The following CD163 variants were observed in gnomAD, a reference collection of about 807,000 sequenced individuals.
CD163 encodes the protein scavenger receptor cysteine-rich type 1 protein M130.
A neutral mutation model predicts 129.2 loss-of-function variants in CD163; 64 were observed. The ratio of observed to expected loss-of-function variants is 0.50; its 90% CI spans 0.41 to 0.61. The LOEUF (loss-of-function observed/expected upper bound fraction) is 0.61. CD163 is among the 20% of genes least tolerant of loss of function. The pLI is 0.00. For missense variants in CD163, 1,061 were observed against 1,377.9 expected, an observed-to-expected ratio of 0.77 and a Z score of 3.64; for synonymous variants, 446 against 478.5, an observed-to-expected ratio of 0.93 and a Z score of 0.89.
At chr12:7,483,102 A>C in intron 12 of CD163, 98 bp from the exon 13 acceptor site, 3 of 1,181,440 alleles carry the variant, frequency 2.5e-6, no homozygotes, top group Non-Finnish European at 3.7e-6. Flanking sequence ...CTCTCAACCA[A>C]GTATATGACT....
At chr12:7,475,718 A>C (rs917132587) in intron 16 of CD163, among the ~76,000 whole-genome samples, 1 of 152,192 alleles carries the variant, frequency 6.6e-6, no homozygotes, top group Non-Finnish European at 1.5e-5. Context: ...TATTCAACAG[A>C]GTATTGGAAG....
chr12:7,474,043 A>C (rs1949048548), intron 16 of CD163, among the ~76,000 whole-genome samples: 1 of 152,208 alleles, frequency 6.6e-6, no homozygotes, highest in African/African-American at 2.4e-5. Context: ...TACTAAATAC[A>C]TATGCACCCA....
Position 7,475,739 on chromosome 12 carries a change from G to A in CD163, c.*31+4121C>T, listed in dbSNP as rs1261234312. On this transcript the variant is annotated intron_variant, in intron 16 of 16. Coordinates refer to ENST00000432237, the MANE Select transcript of CD163 (RefSeq NM_203416.4). ...ACAGAGTATTGGAAGTTCTGGCCAG[G>A]GCAATCAGGCATGAGAAAGAAATAA... Among the ~76,000 whole-genome samples, 7 of 152,152 alleles carry A rather than the reference G, an allele frequency of 4.6e-5. No homozygotes were observed. The East Asian group carries it at 1.4e-3, about 29-fold the overall frequency.
rs1453353804 is a variant in CD163, at chr12:7,486,958, G to T, written c.2079C>A (p.Cys693Ter). ...SGNQSQTLSS[C>*]NSSSLGPTRP... ...TTGTTGGGCCCAAAGACGATGAATT[G>T]CACGAGGACAGTGTTTGGGACTGGT... is the stretch of plus-strand genomic sequence containing the variant. Residue 693 changes from cysteine (C) to a stop codon, truncating the protein, a stop_gained, in exon 9 of 17, where the codon TGC (cysteine) becomes TGA (stop). Coordinates refer to ENST00000432237, the MANE Select transcript of CD163 (RefSeq NM_203416.4). LOFTEE classifies it high-confidence loss of function. 2.5e-6 allele frequency: 4 copies of T among 1,614,096 alleles called. No individual in the cohort carries two copies. The South Asian group carries it at 4.4e-5, about 18-fold the overall frequency.
chr12:7,487,359 C>T lies in CD163; in HGVS notation c.2050G>A (p.Gly684Arg). 1 of 1,576,112 alleles carries T rather than the reference C, an allele frequency of 6.3e-7. No homozygotes were observed. The highest frequency in any genetic ancestry group is 8.6e-7 in the Non-Finnish European group (1 of 1,161,968). ...SEQVASVICS[G>R]NQSQTLSSCN... Reference sequence around the variant, plus strand: ...CACTGGCTGCCCGTCATCCTCTTACCTGAGCAGATTACAGAGGCCACTTGC... The same window carrying T: ...CACTGGCTGCCCGTCATCCTCTTACTTGAGCAGATTACAGAGGCCACTTGC... Residue 684 changes from glycine (G) to arginine (R), a missense_variant and splice_region_variant, in exon 8 of 17, where the codon GGA (glycine) becomes AGA (arginine). Transcript: ENST00000432237. The surrounding 1 kb of genome is among the most constrained non-coding windows in gnomAD (Gnocchi z 5.1).
chr12:7,500,376 G>A (rs1949464368), intron 3 of CD163, among the ~76,000 whole-genome samples: 1 of 130,492 alleles, frequency 7.7e-6, no homozygotes, highest in East Asian at 2.3e-4. Context: ...AGCCGAGATA[G>A]CGCCATCGCA....
rs1284989675 is a variant in CD163 at position 7,495,205 on chromosome 12, T to G, written c.1296A>C (p.Ala432=). 1 of 1,614,196 alleles carries G rather than the reference T, an allele frequency of 6.2e-7. No homozygotes were observed. The highest frequency in any genetic ancestry group is 1.1e-5 in the South Asian group (1 of 91,086). ...TACTTAGAAACAGCCATGTGTTTGTTGCCTGGATTTTGGAGTACACTTGAT... is the reference window on the plus strand; with the variant it reads ...TACTTAGAAACAGCCATGTGTTTGTGGCCTGGATTTTGGAGTACACTTGAT... ...TSYQVYSKIQ[A]TNTWLFLSSC... Residue 432 remains alanine (A), a synonymous_variant, in exon 6 of 17, where the codon GCA becomes GCC. Transcript: ENST00000432237.
chr12:7,483,584 A>T lies in CD163; in HGVS notation c.2871T>A (p.Ser957=). 1 of 1,613,780 alleles carries T rather than the reference A, an allele frequency of 6.2e-7. No individual in the cohort carries two copies. Among genetic ancestry groups the T allele is most frequent in the Non-Finnish European group, 8.5e-7 (1 of 1,179,936 alleles). Residue 957 remains serine (S), a synonymous_variant, in exon 12 of 17, where the codon TCT becomes TCA. Coordinates refer to ENST00000432237, the MANE Select transcript of CD163 (RefSeq NM_203416.4). ...GGSWGTVCDD[S]WDLDDAQVVC... ...CCACCTGAGCATCGTCCAAGTCCCA[A>T]GAGTCATCACACACTGTCCCCCAGG...
intron 16 of CD163, among the ~76,000 whole-genome samples, chr12:7,474,344 A>G (rs1949055034): frequency 6.6e-6 from 1 of 152,216 alleles, no homozygotes; most frequent in African/African-American, 2.4e-5. Context: ...AACACTCCTC[A>G]GCAAATGCAA....
intron 6 of CD163, among the ~76,000 whole-genome samples, chr12:7,493,679 A>T (rs889548775): frequency 4.6e-5 from 7 of 152,204 alleles, no homozygotes; most frequent in Non-Finnish European, 1.0e-4. Flanking sequence ...ATATTAGTAA[A>T]TCAGAAGAAA....
rs1447957637 is a variant in CD163 at position 7,482,752 on chromosome 12, G to A, written c.3138C>T (p.Ser1046=). ...TPQKATTGRS[S]RQSSFIAVGI... is the part of the protein sequence containing the mutation. ...CGACTGCAATAAAGGATGACTGACG[G>A]GATGAGCGACCTAAGTAAAAGTAAA... The change falls in exon 14 of 17, where the codon TCC becomes TCT. Residue 1046 remains serine (S), a synonymous_variant. Transcript: ENST00000432237. 1 of 1,613,976 alleles carries A rather than the reference G, an allele frequency of 6.2e-7. No homozygotes were observed. Among genetic ancestry groups the A allele is most frequent in the Non-Finnish European group, 8.5e-7 (1 of 1,179,940 alleles).
intron 15 of CD163, chr12:7,480,817 C>T: frequency 1.1e-6 from 1 of 926,410 alleles, no homozygotes; most frequent in Non-Finnish European, 1.3e-6. Flanking sequence ...ATATACACAA[C>T]AAAATTTAAA....
At position 7,486,897 on chromosome 12, in the gene CD163, T is replaced by C. The variant is rs748894509; in HGVS notation, c.2140A>G (p.Ile714Val). ...TAGATTTGTCACAGAGTCTTACCTA[T>C]GCAGGCCACAGCACTTTCTTCTGGA... ...TIPEESAVACIESGQLRLVNG... is the reference protein window; with the variant it reads ...TIPEESAVACVESGQLRLVNG... Residue 714 changes from isoleucine (I) to valine (V), a missense_variant, in exon 9 of 17, where the codon ATA (isoleucine) becomes GTA (valine). Transcript: ENST00000432237. The C allele has an allele frequency of 6.2e-7, 1 of 1,613,680 alleles. No homozygotes were observed. Among genetic ancestry groups the C allele is most frequent in the Non-Finnish European group, 8.5e-7 (1 of 1,179,626 alleles).
At chr12:7,480,740 T>C (rs1565834140) in intron 15 of CD163, 1 of 405,322 alleles carries the variant, frequency 2.5e-6, no homozygotes, top group Non-Finnish European at 3.3e-6. Context: ...GGTGTGTTCA[T>C]TTGCTTTGCT....
intron 16 of CD163, among the ~76,000 whole-genome samples, chr12:7,475,022 C>T (rs1407117765): frequency 1.4e-5 from 2 of 138,964 alleles, no homozygotes; most frequent in African/African-American, 5.5e-5. Context: ...CAAGACTAAA[C>T]GAGGAAGAAG....
intron 14 of CD163, among the ~76,000 whole-genome samples, chr12:7,481,844 G>A (rs1056012994): frequency 4.0e-5 from 6 of 151,432 alleles, no homozygotes; most frequent in Non-Finnish European, 8.8e-5. Flanking sequence ...CCGCCCCTCA[G>A]GAAAAAAACA....
intron 11 of CD163, among the ~76,000 whole-genome samples, chr12:7,484,654 A>AAC (rs1949223500): frequency 2.0e-5 from 3 of 151,912 alleles, no homozygotes; most frequent in South Asian, 2.1e-4. Flanking sequence ...AAAAAAAAAA[A>AAC]AAAAACCTGT....
chr12:7,499,877 A>G (rs1949455265), intron 3 of CD163, among the ~76,000 whole-genome samples: 1 of 152,194 alleles, frequency 6.6e-6, no homozygotes, highest in African/African-American at 2.4e-5. Flanking sequence ...CACCTGTTAC[A>G]TACCAAACAG....
rs1041128934 is a variant in CD163 at position 7,498,805 on chromosome 12, G to A, written c.778+63C>T. ...TGTTCTTAAGAGTTCAGGCTCTTAA[G>A]ATTTATTACCCCTTTCTTTTGTCCT... On this transcript the variant is annotated intron_variant, in intron 4 of 16. Coordinates refer to ENST00000432237, the MANE Select transcript of CD163 (RefSeq NM_203416.4). The A allele has an allele frequency of 8.3e-6, 12 of 1,449,056 alleles. No homozygotes were observed. The African/African-American group carries it at 1.7e-4, about 21-fold the overall frequency. 89.8% of individuals were successfully genotyped at this position (1,449,056 alleles called of 1,614,324 possible). A position where few individuals can be genotyped will look rare whatever the true frequency, so the allele number is the denominator to read the frequency against.
Sources: gnomAD v4.1 joint callset for allele counts (sites outside exome capture counted in the v4.1 genomes callset) on GRCh38, gnomAD v4.1.1 for gene constraint, Gnocchi (gnomAD v3.1) non-coding constraint, MANE v1.5 for transcripts, NCBI Gene and HGNC (gene_info 2026-07-23, HGNC 2026-07-21) for gene names.